SPEG: variants seen among roughly 807,000 people sequenced by gnomAD.
SPEG encodes the protein striated muscle enriched protein kinase.
In SPEG, 114 loss-of-function variants were observed where a neutral mutation model predicts 300.4. That is an observed-to-expected ratio of 0.38 (90% confidence interval 0.33 to 0.44). The LOEUF (loss-of-function observed/expected upper bound fraction) is 0.44. Among genes scored for constraint, SPEG ranks in the 20% least tolerant of loss-of-function variants. The pLI is 1.00. For synonymous variants in SPEG, 1,964 were observed against 2,018.9 expected (o/e 0.97, Z 0.73); for missense variants, 4,201 against 4,586.2 (o/e 0.92, Z 2.43).
chr2:219,445,154 A>G lies in SPEG; in HGVS notation c.808A>G (p.Ile270Val), dbSNP rs1281428047. The stretch of plus-strand genomic sequence containing the variant: ...CCTGTACAGAGGACGGGCGCTCTCT[A>G]TCCACGTGTAAGTAACGGCCTTACC... Reference protein sequence around the residue: ...FSLYRGRALSIHVSVPQSGLR... With the variant: ...FSLYRGRALSVHVSVPQSGLR... The change falls in exon 3 of 41, where the codon ATC (isoleucine) becomes GTC (valine). Residue 270 changes from isoleucine to valine, a missense_variant. Physicochemically the swap from Ile to Val is conservative, Grantham distance 29. Coordinates refer to ENST00000312358, the MANE Select transcript of SPEG (RefSeq NM_005876.5). This position sits in a 1 kb window ranked among gnomAD's most constrained non-coding sequence, Gnocchi z 6.1. 6.4e-7 allele frequency: 1 copy of G among 1,571,178 alleles called. No homozygotes were observed.
At position 219,451,767 on chromosome 2, in the gene SPEG, G is replaced by C. The variant is rs1277293578; in HGVS notation, c.2400G>C (p.Leu800=). 1.3e-6 allele frequency: 2 copies of C among 1,555,078 alleles called. No individual in the cohort carries two copies. The highest frequency in any genetic ancestry group is 2.4e-5 in the South Asian group (2 of 84,192). ...GSYMATATNE[L]GQATCAASLT... is the part of the protein sequence containing the mutation. Reference sequence around the variant, plus strand: ...ATATGGCCACCGCCACCAACGAGCTGGGCCAGGCCACCTGTGCCGCCTCAC... The same window carrying C: ...ATATGGCCACCGCCACCAACGAGCTCGGCCAGGCCACCTGTGCCGCCTCAC... The change falls in exon 6 of 41, where the codon CTG becomes CTC. Residue 800 remains leucine (L), a synonymous_variant. Coordinates refer to ENST00000312358, the MANE Select transcript of SPEG (RefSeq NM_005876.5). This position sits in a 1 kb window ranked among gnomAD's most constrained non-coding sequence, Gnocchi z 6.4.
rs1689196429 is a variant in SPEG at position 219,445,279 on chromosome 2, T to G, written c.815+118T>G. 1.7e-5 allele frequency: 17 copies of G among 996,236 alleles called. No individual in the cohort carries two copies. Among genetic ancestry groups the G allele is most frequent in the Non-Finnish European group, 2.6e-5 (17 of 655,776 alleles). 61.7% of individuals were successfully genotyped at this position (996,236 alleles called of 1,614,324 possible). On this transcript the variant is annotated intron_variant, in intron 3 of 40. Coordinates refer to ENST00000312358, the MANE Select transcript of SPEG (RefSeq NM_005876.5). The surrounding 1 kb of genome is among the most constrained non-coding windows in gnomAD (Gnocchi z 6.1). ...CTGCCCCATCCATCTCTCTGTGCAT[T>G]TCTTCACCCCCTGCTGCCACTCCAT... is the stretch of plus-strand genomic sequence containing the variant.
chr2:219,484,834 G>T lies in SPEG; in HGVS notation c.7371G>T (p.Leu2457=), dbSNP rs1575176463. Reference sequence around the variant, plus strand: ...CGGTGCTGGCGATGCGCAGGCGGCTGAGCTTCACCCTGGAGCGGCTGTCCA... The same window carrying T: ...CGGTGCTGGCGATGCGCAGGCGGCTTAGCTTCACCCTGGAGCGGCTGTCCA... ...GSPVLAMRRR[L]SFTLERLSSR... The change falls in exon 30 of 41, where the codon CTG becomes CTT. Residue 2457 remains leucine (L), a synonymous_variant. Transcript: ENST00000312358. The T allele has an allele frequency of 6.6e-7, 1 of 1,512,056 alleles. No homozygotes were observed. The highest frequency in any genetic ancestry group is 2.7e-5 in the East Asian group (1 of 37,594). The allele number at this position is 1,512,056 out of a possible 1,614,324, so 93.7% of individuals were successfully genotyped here.
intron 14 of SPEG, 68 bp from the exon 15 acceptor site, chr2:219,472,159 G>T: frequency 1.3e-6 from 2 of 1,564,880 alleles, no homozygotes. Context: ...CTCCTGCCCT[G>T]AGGCTCGGTG....
intron 1 of SPEG, among the ~76,000 whole-genome samples, chr2:219,438,207 C>A (rs1954769200): frequency 6.6e-6 from 1 of 152,136 alleles, no homozygotes; most frequent in South Asian, 2.1e-4. Flanking sequence ...AGCAGAAATG[C>A]AGGATACTTG....
At position 219,489,401 on chromosome 2, in the gene SPEG, CG is replaced by C; in HGVS notation, c.8385del (p.Pro2796LeufsTer12). 6.2e-7 allele frequency: 1 copy of C among 1,613,508 alleles called. No individual in the cohort carries two copies. The highest frequency in any genetic ancestry group is 8.5e-7 in the Non-Finnish European group (1 of 1,179,786). ...TGTCACCTCAAGGCCAGCCAGGGCCCGGCCTCCTGACTCTCCTACCTCACTG... is the reference window on the plus strand; with the variant it reads ...TGTCACCTCAAGGCCAGCCAGGGCCCGCCTCCTGACTCTCCTACCTCACTG... ...APVTSRPARARPPDSPTSLAP... is the reference protein window; with the variant it reads ...APVTSRPARAXPPDSPTSLAP... On this transcript the variant is annotated frameshift_variant, in exon 36 of 41. Coordinates refer to ENST00000312358, the MANE Select transcript of SPEG (RefSeq NM_005876.5). LOFTEE classifies it high-confidence loss of function.
Position 219,459,148 on chromosome 2 carries a change from C to T in SPEG, c.2441-2734C>T, listed in dbSNP as rs1345577036. ...AGGGCAGACATGAGCATGGGGTCAG[C>T]GTGGGGGATTGGGAGCCAGTGTGAA... On this transcript the variant is annotated intron_variant, in intron 6 of 40. Transcript: ENST00000312358. The surrounding 1 kb of genome is among the most constrained non-coding windows in gnomAD (Gnocchi z 4.9). Among the ~76,000 whole-genome samples, 4 of 152,110 alleles carry T rather than the reference C, an allele frequency of 2.6e-5. No homozygotes were observed. The highest frequency in any genetic ancestry group is 2.6e-4 in the Admixed American group (4 of 15,272).
Position 219,444,770 on chromosome 2 carries a change from G to T in SPEG, c.478+28G>T, listed in dbSNP as rs1284271224. 6.2e-7 allele frequency: 1 copy of T among 1,613,092 alleles called. No individual in the cohort carries two copies. The highest frequency in any genetic ancestry group is 8.5e-7 in the Non-Finnish European group (1 of 1,179,378). On this transcript the variant is annotated intron_variant, in intron 2 of 40. Transcript: ENST00000312358. The surrounding 1 kb of genome is among the most constrained non-coding windows in gnomAD (Gnocchi z 7.8). Reference sequence around the variant, plus strand: ...GAGCTCCTGGGGTGTACAAAGAGCAGGCAGGCGGGTTTTCCATAAGGGGTG... The same window carrying T: ...GAGCTCCTGGGGTGTACAAAGAGCATGCAGGCGGGTTTTCCATAAGGGGTG...
chr2:219,490,767 A>G lies in SPEG; in HGVS notation c.9196A>G (p.Met3066Val), dbSNP rs1575203400. The change falls in exon 38 of 41, where the codon ATG becomes GTG. Residue 3066 changes from methionine to valine, a missense_variant. Physicochemically the swap from Met to Val is conservative, Grantham distance 21 (BLOSUM62 1). Around this residue, in one of 4 missense-constraint regions of SPEG, gnomAD observed 318 missense variants for 429.5 expected, o/e 0.74. Transcript: ENST00000312358. ...TTCTGAGGATGACGTGGCCACTTAC[A>G]TGGTGCAGCTGCTACAAGGCCTGGA... ...RYSEDDVATY[M>V]VQLLQGLDYL... The G allele has an allele frequency of 1.9e-6, 3 of 1,614,068 alleles. No homozygotes were observed. The highest frequency in any genetic ancestry group is 1.1e-5 in the South Asian group (1 of 91,082).
intron 6 of SPEG, chr2:219,461,643 T>C: frequency 3.5e-6 from 3 of 847,142 alleles, no homozygotes; most frequent in Non-Finnish European, 5.1e-6. Context: ...TTCCCTATGG[T>C]GTCCCCTCCT....
At position 219,439,055 on chromosome 2, in the gene SPEG, C is replaced by A. The variant is rs1359198621; in HGVS notation, c.388+3690C>A. 6.6e-6 allele frequency among the ~76,000 whole-genome samples: 1 copy of A among 152,090 alleles called. No homozygotes were observed. The highest frequency in any genetic ancestry group is 1.5e-5 in the Non-Finnish European group (1 of 68,028). Reference sequence around the variant, plus strand: ...TGCTGACCAGTGAGCGGAGGAGAGGCCAGAGTGGGAGCAGAGAGGAGCTCT... The same window carrying A: ...TGCTGACCAGTGAGCGGAGGAGAGGACAGAGTGGGAGCAGAGAGGAGCTCT... On this transcript the variant is annotated intron_variant, in intron 1 of 40. Transcript: ENST00000312358. The surrounding 1 kb of genome is among the most constrained non-coding windows in gnomAD (Gnocchi z 4.5).
chr2:219,487,755 G>A (rs1319395096), intron 31 of SPEG, among the ~76,000 whole-genome samples: 2 of 152,190 alleles, frequency 1.3e-5, no homozygotes, highest in Admixed American at 6.5e-5. Context: ...ATCTCAGCTC[G>A]GGTCACTAAC....
chr2:219,473,551 G>A lies in SPEG; in HGVS notation c.4195G>A (p.Val1399Met), dbSNP rs750885704. 41 of 1,614,040 alleles carry A rather than the reference G, an allele frequency of 2.5e-5. No homozygotes were observed. Among genetic ancestry groups the A allele is most frequent in the South Asian group, 3.3e-5 (3 of 91,090 alleles). ...TGCCATGCTGGACAAACCAGACATC[G>A]TGTATGTGGTGGAGGGACAGCCTGC... The part of the protein sequence containing the change: ...APAMLDKPDI[V>M]YVVEGQPASV... Residue 1399 changes from valine (V) to methionine (M), a missense_variant, in exon 17 of 41, where the codon GTG becomes ATG. Val to Met is a conservative substitution (Grantham distance 21). Around this residue, in one of 4 missense-constraint regions of SPEG, gnomAD observed 1,047 missense variants for 1,356.8 expected, o/e 0.77. Coordinates refer to ENST00000312358, the MANE Select transcript of SPEG (RefSeq NM_005876.5). This position sits in a 1 kb window ranked among gnomAD's most constrained non-coding sequence, Gnocchi z 4.6.
At chr2:219,485,873 G>A (rs563584802) in intron 31 of SPEG, among the ~76,000 whole-genome samples, 5 of 152,188 alleles carry the variant, frequency 3.3e-5, no homozygotes, top group Admixed American at 6.5e-5. Flanking sequence ...TACGTCTGTC[G>A]GGCTGGCCTC....
rs750138272 is a variant in SPEG at position 219,448,089 on chromosome 2, C to A, written c.931C>A (p.Pro311Thr). ...PPPSKSALLP[P>T]PSPRVGKRSP... Reference sequence around the variant, plus strand: ...TCCTTCCAAATCCGCGCTGCTCCCCCCACCGTCCCCTCGGGTCGGGAAGCG... The same window carrying A: ...TCCTTCCAAATCCGCGCTGCTCCCCACACCGTCCCCTCGGGTCGGGAAGCG... Residue 311 changes from proline to threonine, a missense_variant, in exon 4 of 41, where the codon CCA (proline) becomes ACA (threonine). By Grantham distance (38) the Pro-to-Thr change is conservative. Transcript: ENST00000312358. 5.6e-6 allele frequency: 9 copies of A among 1,606,308 alleles called. No homozygotes were observed. Among genetic ancestry groups the A allele is most frequent in the Non-Finnish European group, 7.6e-6 (9 of 1,176,896 alleles).
In SPEG at chr2:219,484,931, C is replaced by G. The variant is rs1450862412; in HGVS notation, c.7468C>G (p.Arg2490Gly). 2.0e-6 allele frequency: 3 copies of G among 1,529,004 alleles called. No individual in the cohort carries two copies. The highest frequency in any genetic ancestry group is 1.7e-6 in the Non-Finnish European group (2 of 1,144,480). The allele number at this position is 1,529,004 out of a possible 1,614,324, so 94.7% of individuals were successfully genotyped here. A position where few individuals can be genotyped will look rare whatever the true frequency, so the allele number is the denominator to read the frequency against. The part of the protein sequence containing the change: ...ASGRSTPLFG[R>G]LRRATSEGES... The stretch of plus-strand genomic sequence containing the variant: ...GGGCCGCAGCACGCCGCTGTTCGGA[C>G]GGCTTCGCAGGGCCACGTCCGAGGG... Residue 2490 changes from arginine (R) to glycine (G), a missense_variant, in exon 30 of 41, where the codon CGG (arginine) becomes GGG (glycine). Around this residue, in one of 4 missense-constraint regions of SPEG, gnomAD observed 1,578 missense variants for 1,506.0 expected, o/e 1.05. Transcript: ENST00000312358.
chr2:219,482,928 C>A, intron 29 of SPEG, 76 bp downstream of exon 29: 1 of 1,474,180 alleles, frequency 6.8e-7, no homozygotes, highest in Non-Finnish European at 9.4e-7. Context: ...TCCCGTGGGC[C>A]TTCATCTCCT....
rs908361924 is a variant in SPEG at position 219,484,928 on chromosome 2, G to C, written c.7465G>C (p.Gly2489Arg). ...GTCGGGCCGCAGCACGCCGCTGTTC[G>C]GACGGCTTCGCAGGGCCACGTCCGA... ...GASGRSTPLF[G>R]RLRRATSEGE... Residue 2489 changes from glycine (G) to arginine (R), a missense_variant, in exon 30 of 41, where the codon GGA becomes CGA. Gly to Arg is a moderately radical substitution (Grantham distance 125). This residue lies in a region of SPEG where 1,578 missense variants were observed against 1,506.0 expected (regional missense o/e 1.05). Transcript: ENST00000312358. The C allele has an allele frequency of 2.0e-6, 3 of 1,528,892 alleles. No individual in the cohort carries two copies. Among genetic ancestry groups the C allele is most frequent in the Non-Finnish European group, 2.6e-6 (3 of 1,144,440 alleles). 94.7% of individuals were successfully genotyped at this position (1,528,892 alleles called of 1,614,324 possible). A position where few individuals can be genotyped will look rare whatever the true frequency, so the allele number is the denominator to read the frequency against.
Position 219,449,082 on chromosome 2 carries a change from C to T in SPEG, c.1924C>T (p.Pro642Ser). Reference sequence around the variant, plus strand: ...CCCGGCGCAGGCCGTGCGCTTCCTGCCCTGGGCCACGCCGGGCCTGGAGGG... The same window carrying T: ...CCCGGCGCAGGCCGTGCGCTTCCTGTCCTGGGCCACGCCGGGCCTGGAGGG... ...EPPAQAVRFL[P>S]WATPGLEGAA... is the part of the protein sequence containing the mutation. Residue 642 changes from proline (P) to serine (S), a missense_variant, in exon 4 of 41, where the codon CCC (proline) becomes TCC (serine). By Grantham distance (74) the Pro-to-Ser change is moderately conservative. Transcript: ENST00000312358. 1 of 1,513,004 alleles carries T rather than the reference C, an allele frequency of 6.6e-7. No homozygotes were observed. The highest frequency in any genetic ancestry group is 8.8e-7 in the Non-Finnish European group (1 of 1,130,510). The allele number at this position is 1,513,004 out of a possible 1,614,324, so 93.7% of individuals were successfully genotyped here. A position where few individuals can be genotyped will look rare whatever the true frequency, so the allele number is the denominator to read the frequency against.
Sources: allele counts gnomAD v4.1 joint callset (sites outside exome capture counted in the v4.1 genomes callset), GRCh38; gene constraint gnomAD v4.1.1; regional missense constraint gnomAD v4.1.1; non-coding constraint Gnocchi (gnomAD v3.1); transcripts MANE v1.5; gene names NCBI Gene and HGNC (gene_info 2026-07-23, HGNC 2026-07-21).